Variants in IGF2R observed in about 807,000 individuals in gnomAD.
The protein encoded by IGF2R is cation-independent mannose-6-phosphate receptor.
IGF2R carries 91 observed loss-of-function variants against 270.6 expected under a neutral mutation model. The observed-to-expected ratio is 0.34, with a 90% confidence interval of 0.28 to 0.40. The LOEUF is 0.40. Among genes scored for constraint, IGF2R ranks in the 10% least tolerant of loss-of-function variants. The pLI, the probability that IGF2R is intolerant of heterozygous loss-of-function variation, is 1.00. For synonymous variants in IGF2R, 1,316 were observed against 1,258.9 expected (o/e 1.05, Z -0.96); for missense variants, 2,805 against 3,188.3 (o/e 0.88, Z 2.90).
chr6:160,041,258 G>GT (rs1198159600), intron 11 of IGF2R, among the ~76,000 whole-genome samples: 1 of 152,018 alleles, frequency 6.6e-6, no homozygotes, highest in African/African-American at 2.4e-5. Flanking sequence ...CTGATGGGGG[G>GT]GATTTCTGGT....
chr6:160,000,646 A>G (rs1784112886), intron 2 of IGF2R, among the ~76,000 whole-genome samples: 1 of 151,470 alleles, frequency 6.6e-6, no homozygotes, highest in African/African-American at 2.4e-5. Flanking sequence ...GAGCCTGGAA[A>G]TGGGCACATT....
At chr6:160,006,142 C>G (rs867475331) in intron 2 of IGF2R, 1 of 158,698 alleles carries the variant, frequency 6.3e-6, no homozygotes, top group Admixed American at 6.6e-5. Context: ...GTGCCCCACG[C>G]GCCTCCCCCC....
chr6:160,039,867 A>G (rs544042627), intron 10 of IGF2R, among the ~76,000 whole-genome samples: 3 of 152,268 alleles, frequency 2.0e-5, no homozygotes, highest in Non-Finnish European at 4.4e-5. Context: ...GGCCTGAACT[A>G]TTCCTGCTGA....
At chr6:160,104,550 G>A (rs892609526) in intron 47 of IGF2R, 124 bp from the exon 48 acceptor site, 16 of 956,028 alleles carry the variant, frequency 1.7e-5, no homozygotes, top group Non-Finnish European at 2.4e-5. Flanking sequence ...CAGTGACTGT[G>A]AGGACAGTGG....
chr6:160,034,376 G>T (rs750143478), intron 9 of IGF2R, 43 bp from the exon 10 acceptor site: 3 of 1,292,976 alleles, frequency 2.3e-6, no homozygotes, highest in Admixed American at 1.7e-5. Context: ...TTTTTTTCTT[G>T]GTTCTCCCAA....
Position 160,079,726 on chromosome 6 carries a change from T to C in IGF2R, c.5625T>C (p.Asp1875=). 1.3e-6 allele frequency: 2 copies of C among 1,497,978 alleles called. No homozygotes were observed. The highest frequency in any genetic ancestry group is 1.8e-6 in the Non-Finnish European group (2 of 1,122,820). The allele number at this position is 1,497,978 out of a possible 1,614,324, so 92.8% of individuals were successfully genotyped here. A position where few individuals can be genotyped will look rare whatever the true frequency, so the allele number is the denominator to read the frequency against. Residue 1875 remains aspartate (D), a synonymous_variant, in exon 38 of 48, where the codon GAT becomes GAC. Coordinates refer to ENST00000356956, the MANE Select transcript of IGF2R (RefSeq NM_000876.4). ...SFGRLQSMKL[D]YRHQDEAVVL... is the part of the protein sequence containing the mutation. ...GACGGCTGCAATCAATGAAACTGGA[T>C]TACAGGCACCAGGATGAAGCGGTCG...
At chr6:160,068,065 G>GTGTGTGT (rs973206316) in intron 29 of IGF2R, among the ~76,000 whole-genome samples, 184 bp from the exon 30 acceptor site, 180 of 77,464 alleles carry the variant, frequency 2.3e-3, no homozygotes, top group African/African-American at 8.4e-3. Context: ...TCTGATGGGG[G>GTGTGTGT]GTGTGTGTGT....
intron 2 of IGF2R, among the ~76,000 whole-genome samples, chr6:160,008,168 C>T (rs1784275928): frequency 6.6e-6 from 1 of 152,168 alleles, no homozygotes; most frequent in South Asian, 2.1e-4. Context: ...GCCCATGGGC[C>T]ACGGGTTGGA....
In IGF2R at chr6:159,983,204, C is replaced by T. The variant is rs117543295; in HGVS notation, c.150-7980C>T. Among the ~76,000 whole-genome samples, 34 of 152,218 alleles carry T rather than the reference C, an allele frequency of 2.2e-4. No homozygotes were observed. In the East Asian group the frequency reaches 6.2e-3, roughly 28 times the overall value. On this transcript the variant is annotated intron_variant, in intron 1 of 47. Coordinates refer to ENST00000356956, the MANE Select transcript of IGF2R (RefSeq NM_000876.4). Reference sequence around the variant, plus strand: ...CATTGACTTCTTCATTGCAGCCCCTCGATTGGTTTCGTCTGGACCAGGGTG... The same window carrying T: ...CATTGACTTCTTCATTGCAGCCCCTTGATTGGTTTCGTCTGGACCAGGGTG...
rs1778845755 is a variant in IGF2R, at chr6:160,075,894, T to C, written c.5214T>C (p.Asn1738=). 3 of 1,613,090 alleles carry C rather than the reference T, an allele frequency of 1.9e-6. No homozygotes were observed. In the East Asian group the frequency reaches 6.7e-5, roughly 36 times the overall value. ...CACCAATACTCAATCCAATAGCAAA[T>C]GAGATTTACTTGAATTTTGAAAGCA... ...AGPPILNPIA[N]EIYLNFESST... Residue 1738 remains asparagine, a synonymous_variant, in exon 36 of 48, where the codon AAT becomes AAC. Coordinates refer to ENST00000356956, the MANE Select transcript of IGF2R (RefSeq NM_000876.4).
chr6:160,103,748 A>G lies in IGF2R; in HGVS notation c.6998A>G (p.Glu2333Gly), dbSNP rs201699000. 6.2e-7 allele frequency: 1 copy of G among 1,606,440 alleles called. No individual in the cohort carries two copies. The highest frequency in any genetic ancestry group is 1.3e-5 in the African/African-American group (1 of 74,666). ...TATTGTCTCCTTTTTTTTTATAGGG[A>G]AACAGTGATAAGTAAGCTGACCACT... ...ALLLYKKERR[E>G]TVISKLTTCC... Residue 2333 changes from glutamate (E) to glycine (G), a missense_variant and splice_region_variant, in exon 47 of 48, where the codon GAA becomes GGA. Coordinates refer to ENST00000356956, the MANE Select transcript of IGF2R (RefSeq NM_000876.4).
intron 2 of IGF2R, chr6:160,005,726 C>A: frequency 6.7e-6 from 1 of 148,478 alleles, no homozygotes; most frequent in African/African-American, 2.5e-5. Flanking sequence ...GCGGCCGCCC[C>A]CCATCCCCCA....
At position 160,061,565 on chromosome 6, in the gene IGF2R, G is replaced by A. The variant is rs1778439246; in HGVS notation, c.3325G>A (p.Val1109Ile). Reference protein sequence around the residue: ...LSTVRKPWTAVDTSVDGRKRT... With the variant: ...LSTVRKPWTAIDTSVDGRKRT... ...CACAGTCAGGAAACCTTGGACGGCTGTTGACACCTCTGTCGATGGGAGAAA... is the reference window on the plus strand; with the variant it reads ...CACAGTCAGGAAACCTTGGACGGCTATTGACACCTCTGTCGATGGGAGAAA... The change falls in exon 24 of 48, where the codon GTT (valine) becomes ATT (isoleucine). Residue 1109 changes from valine to isoleucine, a missense_variant. Val to Ile is a conservative substitution (Grantham distance 29). Around this residue, in one of 2 missense-constraint regions of IGF2R, gnomAD observed 1,851 missense variants for 2,207.2 expected, o/e 0.84. Coordinates refer to ENST00000356956, the MANE Select transcript of IGF2R (RefSeq NM_000876.4). The A allele has an allele frequency of 1.2e-6, 2 of 1,614,116 alleles. No individual in the cohort carries two copies. The highest frequency in any genetic ancestry group is 1.7e-6 in the Non-Finnish European group (2 of 1,179,956).
chr6:160,032,937 T>G lies in IGF2R; in HGVS notation c.1046-5T>G, dbSNP rs1217432920. The G allele has an allele frequency of 1.9e-6, 3 of 1,585,742 alleles. No homozygotes were observed. On this transcript the variant is annotated splice_polypyrimidine_tract_variant and splice_region_variant and intron_variant, in intron 8 of 47. Transcript: ENST00000356956. ...GCCTCTTCTTGTTAATTTCCCTGTT[T>G]TTAGGTTCATCCTATATTTCAGATG...
chr6:160,052,713 A>G (rs1005657260), intron 19 of IGF2R, among the ~76,000 whole-genome samples: 5 of 152,254 alleles, frequency 3.3e-5, no homozygotes, highest in Non-Finnish European at 7.3e-5. Flanking sequence ...CCAAAACAGC[A>G]TGGTACTGGT....
intron 9 of IGF2R, 69 bp downstream of exon 9, chr6:160,033,176 G>T: frequency 8.6e-7 from 1 of 1,169,404 alleles, no homozygotes; most frequent in Non-Finnish European, 1.2e-6. Context: ...GCACTCTGGC[G>T]CCCAGGCTAG....
At chr6:160,013,182 G>C (rs1321295781) in intron 4 of IGF2R, among the ~76,000 whole-genome samples, 3 of 151,792 alleles carry the variant, frequency 2.0e-5, no homozygotes, top group African/African-American at 4.8e-5. Context: ...TACCACCTAG[G>C]AAAAAATTGC....
Position 160,096,544 on chromosome 6 carries a change from A to G in IGF2R, c.6761A>G (p.Asp2254Gly). The change falls in exon 45 of 48, where the codon GAC becomes GGC. Residue 2254 changes from aspartate (D) to glycine (G), a missense_variant. By Grantham distance (94) the Asp-to-Gly change is moderately conservative (BLOSUM62 -1). Transcript: ENST00000356956. ...IFFHCDPLVE[D>G]GIPEFSHETA... is the part of the protein sequence containing the mutation. ...TTCCACTGTGACCCTCTGGTGGAGG[A>G]CGGGATCCCCGAGTTCAGTCACGAG... 6.2e-7 allele frequency: 1 copy of G among 1,613,968 alleles called. No homozygotes were observed. Among genetic ancestry groups the G allele is most frequent in the African/African-American group, 1.3e-5 (1 of 74,962 alleles).
chr6:159,972,352 G>A (rs1018536623), intron 1 of IGF2R, among the ~76,000 whole-genome samples: 1 of 152,132 alleles, frequency 6.6e-6, no homozygotes, highest in African/African-American at 2.4e-5. Flanking sequence ...TTGTAAATTG[G>A]TAATTTCATA....
Sources: allele counts gnomAD v4.1 joint callset (sites outside exome capture counted in the v4.1 genomes callset), GRCh38; gene constraint gnomAD v4.1.1; regional missense constraint gnomAD v4.1.1; transcripts MANE v1.5; gene names NCBI Gene and HGNC (gene_info 2026-07-23, HGNC 2026-07-21).